The following CATSPERD variants were observed in gnomAD, a reference collection of about 807,000 sequenced individuals.
CATSPERD encodes catsper channel auxiliary subunit delta.
In CATSPERD, 86 loss-of-function variants were observed where a neutral mutation model predicts 98.1. That is an observed-to-expected ratio of 0.88 (90% CI 0.74 to 1.05). The LOEUF is 1.05. CATSPERD is among the 50% of genes least tolerant of loss of function. The pLI, the probability that CATSPERD is intolerant of heterozygous loss-of-function variation, is 0.00. For missense variants in CATSPERD, 995 were observed against 1,005.7 expected, an observed-to-expected ratio of 0.99 and a Z score of 0.14; for synonymous variants, 394 against 390.2, an observed-to-expected ratio of 1.01 and a Z score of -0.12.
chr19:5,762,053 TATATA>T (rs1357479656), intron 15 of CATSPERD, among the ~76,000 whole-genome samples: 1 of 38,224 alleles, frequency 2.6e-5, no homozygotes, highest in African/African-American at 8.6e-5. Context: ...TATATATATA[TATATA>T]TTTTTTTTTT....
chr19:5,744,490 C>T lies in CATSPERD; in HGVS notation c.637C>T (p.Leu213Phe), dbSNP rs540346018. 5.6e-6 allele frequency: 9 copies of T among 1,612,226 alleles called. No homozygotes were observed. Among genetic ancestry groups the T allele is most frequent in the Non-Finnish European group, 7.6e-6 (9 of 1,178,772 alleles). The part of the protein sequence containing the change: ...HFFSLSQVAM[L>F]VVNQGKGMFK... The stretch of plus-strand genomic sequence containing the variant: ...TTTTTCTTTGTCACAGGTTGCGATG[C>T]TTGTAGTGAATCAAGGGAAGGTAAG... The change falls in exon 8 of 22, where the codon CTT becomes TTT. Residue 213 changes from leucine to phenylalanine, a missense_variant. Around this residue, in one of 3 missense-constraint regions of CATSPERD, gnomAD observed 762 missense variants for 773.7 expected, o/e 0.98. Coordinates refer to ENST00000381624, the MANE Select transcript of CATSPERD (RefSeq NM_152784.4).
Position 5,724,821 on chromosome 19 carries a change from A to C in CATSPERD, c.85A>C (p.Arg29=). 3 of 1,614,104 alleles carry C rather than the reference A, an allele frequency of 1.9e-6. No individual in the cohort carries two copies. Among genetic ancestry groups the C allele is most frequent in the Non-Finnish European group, 2.5e-6 (3 of 1,179,944 alleles). Residue 29 remains arginine, a synonymous_variant, in exon 2 of 22, where the codon AGG becomes CGG. Coordinates refer to ENST00000381624, the MANE Select transcript of CATSPERD (RefSeq NM_152784.4). The stretch of plus-strand genomic sequence containing the variant: ...TGTCACTTCTAGTTCTCGCACAGTG[A>C]GGACAGGAAAAGTGTTTAATCTGAT... ...TAQLCRSRTV[R]TGKVFNLIQD... is the part of the protein sequence containing the mutation.
At chr19:5,746,482 G>A (rs537343387) in intron 9 of CATSPERD, among the ~76,000 whole-genome samples, 1 of 152,044 alleles carries the variant, frequency 6.6e-6, no homozygotes, top group East Asian at 1.9e-4. Context: ...AGGCTAGAGT[G>A]CAGTGGCGCG....
rs768119122 is a variant in CATSPERD, at chr19:5,768,240, GAAGT to G, written c.1634+2_1634+5del. On this transcript the variant is annotated splice_donor_variant and coding_sequence_variant, in exon 18 of 22. Transcript: ENST00000381624. LOFTEE classifies it high-confidence loss of function. ...AAGACAATTACAGCTTCATCATCGAGAAGTAAGCCAGCGTCCCCCCGCAACACCT... is the reference window on the plus strand; with the variant it reads ...AAGACAATTACAGCTTCATCATCGAGAAGCCAGCGTCCCCCCGCAACACCT... The G allele has an allele frequency of 3.6e-4, 588 of 1,612,752 alleles. No homozygotes were observed. The highest frequency in any genetic ancestry group is 4.7e-4 in the Non-Finnish European group (559 of 1,179,050).
At chr19:5,736,379 G>A (rs752445991) in intron 5 of CATSPERD, among the ~76,000 whole-genome samples, 7 of 152,204 alleles carry the variant, frequency 4.6e-5, no homozygotes, top group Admixed American at 1.3e-4. Flanking sequence ...AGAACCATCT[G>A]CTCCCAAATT....
intron 11 of CATSPERD, among the ~76,000 whole-genome samples, chr19:5,750,443 T>A: frequency 1.0e-5 from 1 of 99,788 alleles, no homozygotes; most frequent in Admixed American, 1.2e-4. Context: ...TGAGCGAGAC[T>A]CTGTCTCAAA....
rs757694165 is a variant in CATSPERD at position 5,724,837 on chromosome 19, T to C, written c.101T>C (p.Phe34Ser). The C allele has an allele frequency of 1.9e-6, 3 of 1,613,984 alleles. No individual in the cohort carries two copies. In the Admixed American group the frequency reaches 5.0e-5, roughly 27 times the overall value. ...RSRTVRTGKV[F>S]NLIQDVQGDR... ...CGCACAGTGAGGACAGGAAAAGTGT[T>C]TAATCTGATACAGGACGTTCAAGGG... The change falls in exon 2 of 22, where the codon TTT (phenylalanine) becomes TCT (serine). Residue 34 changes from phenylalanine (F) to serine (S), a missense_variant. Around this residue, in one of 3 missense-constraint regions of CATSPERD, gnomAD observed 228 missense variants for 209.6 expected, o/e 1.09. Transcript: ENST00000381624.
At chr19:5,741,121 A>G (rs2055955171) in intron 7 of CATSPERD, among the ~76,000 whole-genome samples, 1 of 150,702 alleles carries the variant, frequency 6.6e-6, no homozygotes, top group Non-Finnish European at 1.5e-5. Flanking sequence ...CTAATGCCCT[A>G]GTAAAGGCAA....
rs1274352430 is a variant in CATSPERD, at chr19:5,751,841, T to G, written c.1164+18T>G. The G allele has an allele frequency of 6.3e-7, 1 of 1,597,346 alleles. No individual in the cohort carries two copies. Among genetic ancestry groups the G allele is most frequent in the Non-Finnish European group, 8.6e-7 (1 of 1,169,276 alleles). On this transcript the variant is annotated intron_variant, in intron 12 of 21. Transcript: ENST00000381624. ...AGTGCAAGGTATGTGATCCTAACTG[T>G]TTTGATCAATGTTCAATGTAGTTTT...
chr19:5,771,206 G>A, intron 19 of CATSPERD, 134 bp downstream of exon 19: 1 of 1,039,096 alleles, frequency 9.6e-7, no homozygotes, highest in South Asian at 1.6e-5. Flanking sequence ...TTCCCACCGT[G>A]CTCCTGCCCC....
chr19:5,767,378 C>A (rs2056560286), intron 17 of CATSPERD, among the ~76,000 whole-genome samples: 1 of 148,584 alleles, frequency 6.7e-6, no homozygotes, highest in Non-Finnish European at 1.5e-5. Flanking sequence ...AGAGCCATTT[C>A]CTGCCATGCC....
At chr19:5,726,928 TCA>T (rs1273066345) in intron 2 of CATSPERD, among the ~76,000 whole-genome samples, 1 of 152,068 alleles carries the variant, frequency 6.6e-6, no homozygotes, top group Non-Finnish European at 1.5e-5. Context: ...ACGTGGTGGC[TCA>T]CGCCTGTAAT....
At chr19:5,734,374 C>T (rs2055799134) in intron 5 of CATSPERD, among the ~76,000 whole-genome samples, 1 of 152,072 alleles carries the variant, frequency 6.6e-6, no homozygotes, top group African/African-American at 2.4e-5. Flanking sequence ...TGCCGTGGCT[C>T]ACGCCTGTAA....
chr19:5,764,450 G>A (rs1313626849), intron 16 of CATSPERD, among the ~76,000 whole-genome samples: 3 of 151,424 alleles, frequency 2.0e-5, no homozygotes, highest in African/African-American at 7.3e-5. Context: ...CGTGTAGCTG[G>A]GACTACAGGC....
chr19:5,722,458 A>C (rs10409292), intron 1 of CATSPERD, among the ~76,000 whole-genome samples: 12,841 of 152,230 alleles, frequency 0.084, 908 homozygotes, highest in African/African-American at 0.18. Context: ...CATACTTAGG[A>C]AAGTTAAAGA....
chr19:5,777,136 T>C (rs546146119), intron 21 of CATSPERD, among the ~76,000 whole-genome samples: 3 of 152,084 alleles, frequency 2.0e-5, no homozygotes, highest in Non-Finnish European at 4.4e-5. Flanking sequence ...CCTCATATCC[T>C]CACCCCTACT....
At chr19:5,773,183 C>T (rs1472948277) in intron 20 of CATSPERD, among the ~76,000 whole-genome samples, 1 of 152,150 alleles carries the variant, frequency 6.6e-6, no homozygotes, top group Admixed American at 6.6e-5. Flanking sequence ...AAAAGCCCGT[C>T]TCTACTAAAA....
chr19:5,772,213 A>G (rs1599597279), intron 19 of CATSPERD: 1 of 208,450 alleles, frequency 4.8e-6, no homozygotes, highest in African/African-American at 5.0e-5. Context: ...ATGCCCGGTT[A>G]ATTTTTTTTT....
chr19:5,775,664 A>AAG (rs1555728499), intron 20 of CATSPERD, among the ~76,000 whole-genome samples: 31 of 150,294 alleles, frequency 2.1e-4, no homozygotes, highest in African/African-American at 7.3e-4. Flanking sequence ...AAAAAAAAAA[A>AAG]AAAGAAAGAA....
Sources: allele counts gnomAD v4.1 joint callset (sites outside exome capture counted in the v4.1 genomes callset), GRCh38; gene constraint gnomAD v4.1.1; regional missense constraint gnomAD v4.1.1; transcripts MANE v1.5; gene names NCBI Gene and HGNC (gene_info 2026-07-23, HGNC 2026-07-21).